IQSEC1: variants seen among roughly 807,000 people sequenced by gnomAD.
IQSEC1 encodes the protein IQ motif and SEC7 domain-containing protein 1.
In IQSEC1, 31 loss-of-function variants were observed where a neutral mutation model predicts 91.0. The observed-to-expected ratio is 0.34, with a 90% CI of 0.26 to 0.46. IQSEC1 has a LOEUF of 0.46. Ranked by LOEUF, IQSEC1 falls within the 20% of genes least tolerant of loss-of-function variation. IQSEC1 has a pLI of 1.00. For synonymous variants in IQSEC1, 699 were observed against 662.6 expected (o/e 1.05, Z -0.84); for missense variants, 1,388 against 1,575.6 (o/e 0.88, Z 2.02).
At chr3:13,047,802 G>A (rs1053163342) in intron 1 of IQSEC1, among the ~76,000 whole-genome samples, 15 of 152,162 alleles carry the variant, frequency 9.9e-5, no homozygotes, top group African/African-American at 3.4e-4. Flanking sequence ...GAGAGGAAGC[G>A]CAGTGGGCAG....
chr3:13,129,989 T>A (rs185343619), intron 2 of IQSEC1, among the ~76,000 whole-genome samples: 147 of 152,176 alleles, frequency 9.7e-4, no homozygotes, highest in African/African-American at 3.4e-3. Context: ...ACTGTTTTTT[T>A]AATTATCATT....
chr3:13,170,566 C>A (rs1693587297), intron 1 of IQSEC1, among the ~76,000 whole-genome samples: 1 of 152,360 alleles, frequency 6.6e-6, no homozygotes, highest in South Asian at 2.1e-4. Context: ...GGGAGGGAGG[C>A]TGTACCCTGC....
intron 1 of IQSEC1, among the ~76,000 whole-genome samples, chr3:13,229,512 C>G (rs969669431): frequency 3.3e-5 from 5 of 152,186 alleles, no homozygotes; most frequent in African/African-American, 1.2e-4. Context: ...CTGTCACAGG[C>G]TGCCCGGGAC....
chr3:13,121,325 C>T (rs936839049), intron 2 of IQSEC1, among the ~76,000 whole-genome samples: 2 of 152,230 alleles, frequency 1.3e-5, no homozygotes, highest in African/African-American at 4.8e-5. Flanking sequence ...ACCTCCTCCT[C>T]CCAGCTACCT....
chr3:12,957,532 G>A (rs180811381), intron 1 of IQSEC1, among the ~76,000 whole-genome samples: 317 of 152,340 alleles, frequency 2.1e-3, no homozygotes, highest in African/African-American at 6.9e-3. Flanking sequence ...GTTCTCTGTG[G>A]CAGGCTCCAG....
intron 1 of IQSEC1, among the ~76,000 whole-genome samples, chr3:13,023,955 C>T (rs60602014): frequency 0.35 from 53,006 of 151,996 alleles, 10,699 homozygotes; most frequent in East Asian, 0.49. Context: ...CCTTTCAAGG[C>T]TCCCCATTCC....
rs556945444 is a variant in IQSEC1, at chr3:12,941,671, G to C, written c.218C>G (p.Ser73Trp). The C allele has an allele frequency of 5.6e-6, 9 of 1,613,024 alleles. No individual in the cohort carries two copies. Among genetic ancestry groups the C allele is most frequent in the Non-Finnish European group, 7.6e-6 (9 of 1,179,950 alleles). The change falls in exon 2 of 14, where the codon TCG becomes TGG. Residue 73 changes from serine to tryptophan, a missense_variant. Ser to Trp is a radical substitution (Grantham distance 177, BLOSUM62 -3). This residue lies in a region of IQSEC1 where 1,059 missense variants were observed against 1,317.8 expected (regional missense o/e 0.80). Coordinates refer to ENST00000613206, the MANE Select transcript of IQSEC1 (RefSeq NM_001134382.3). ...QRTRRPKLQH[S>W]TSILRKQAEE... ...AGCCTGCTTGCGCAGGATGGAGGTC[G>C]AGTGCTGCAGCTTGGGCCTCCGCGT...
At chr3:13,191,600 G>A (rs1417268351) in intron 1 of IQSEC1, among the ~76,000 whole-genome samples, 1 of 149,196 alleles carries the variant, frequency 6.7e-6, no homozygotes, top group Non-Finnish European at 1.5e-5. Flanking sequence ...GCCTCTCAAA[G>A]TGCTGGGATT....
At chr3:13,174,576 G>C (rs1333982990) in intron 1 of IQSEC1, among the ~76,000 whole-genome samples, 6 of 152,226 alleles carry the variant, frequency 3.9e-5, no homozygotes, top group African/African-American at 1.2e-4. Flanking sequence ...CCCCCAGAAG[G>C]CCTGAGGCAC....
chr3:13,052,503 G>C (rs1022156892), intron 1 of IQSEC1, among the ~76,000 whole-genome samples: 2 of 152,246 alleles, frequency 1.3e-5, no homozygotes, highest in African/African-American at 4.8e-5. Flanking sequence ...ACTGCCGCAA[G>C]TGTTCTTGGA....
chr3:13,152,128 G>A (rs902420713), intron 2 of IQSEC1, among the ~76,000 whole-genome samples: 1 of 152,206 alleles, frequency 6.6e-6, no homozygotes, highest in African/African-American at 2.4e-5. Flanking sequence ...TAGTCAGAGT[G>A]GAGAGGATGC....
intron 2 of IQSEC1, among the ~76,000 whole-genome samples, chr3:13,090,134 C>T (rs55981603): frequency 0.19 from 29,284 of 151,374 alleles, 3,228 homozygotes; most frequent in Middle Eastern, 0.33. Flanking sequence ...AGGAGAATGG[C>T]GTGAACCTGG....
Position 12,967,255 on chromosome 3 carries a change from G to C in IQSEC1, c.24-25390C>G. ...TCTGGCGGACGCACCCCGCCCCGCA[G>C]GCAGCTTTCTCTCGCACGCCGGGCG... On this transcript the variant is annotated intron_variant, in intron 1 of 13. Transcript: ENST00000613206. The surrounding 1 kb of genome is among the most constrained non-coding windows in gnomAD (Gnocchi z 5.9). The C allele has an allele frequency of 1.4e-6, 1 of 714,102 alleles. No individual in the cohort carries two copies. The highest frequency in any genetic ancestry group is 2.2e-6 in the Non-Finnish European group (1 of 458,304). The allele number at this position is 714,102 out of a possible 1,614,324, so 44.2% of individuals were successfully genotyped here.
intron 2 of IQSEC1, among the ~76,000 whole-genome samples, chr3:13,151,786 T>C (rs557534570): frequency 1.3e-5 from 2 of 152,180 alleles, no homozygotes; most frequent in Non-Finnish European, 2.9e-5. Context: ...ACCAACATGG[T>C]GAAACCCTGT....
In IQSEC1 at chr3:13,161,870, C is replaced by T. The variant is rs1286062371; in HGVS notation, c.302+2234G>A. Among the ~76,000 whole-genome samples the T allele has an allele frequency of 2.6e-5, 4 of 152,200 alleles. No homozygotes were observed. The East Asian group carries it at 7.7e-4, about 29-fold the overall frequency. On this transcript the variant is annotated intron_variant, in intron 2 of 15. Coordinates refer to the IQSEC1 transcript ENST00000648114. Reference sequence around the variant, plus strand: ...GCTCGGAGCTGGGACATATGCTCGGCTCTGTGTGCCAGTCCCCCTGCAACG... The same window carrying T: ...GCTCGGAGCTGGGACATATGCTCGGTTCTGTGTGCCAGTCCCCCTGCAACG...
At chr3:13,021,214 AC>A (rs1703381389) in intron 1 of IQSEC1, among the ~76,000 whole-genome samples, 1 of 152,184 alleles carries the variant, frequency 6.6e-6, no homozygotes, top group African/African-American at 2.4e-5. Context: ...ATCACAAGGG[AC>A]CTGGCTTCCT....
chr3:13,195,817 G>A (rs955538808), intron 1 of IQSEC1, among the ~76,000 whole-genome samples: 13 of 152,158 alleles, frequency 8.5e-5, no homozygotes, highest in African/African-American at 3.1e-4. Context: ...ACCCACAAAT[G>A]AGTACAAATA....
chr3:12,986,851 G>C (rs1272214903), intron 1 of IQSEC1: 13 of 269,364 alleles, frequency 4.8e-5, no homozygotes, highest in Non-Finnish European at 1.0e-4. Context: ...TGTGGGCTGT[G>C]GCATCTCCCA....
chr3:13,123,745 G>A lies in IQSEC1; in HGVS notation c.302+40359C>T, dbSNP rs566797102. Among the ~76,000 whole-genome samples the A allele has an allele frequency of 2.4e-3, 368 of 152,342 alleles. 1 individual carries two copies. Among genetic ancestry groups the A allele is most frequent in the Admixed American group, 6.5e-3 (99 of 15,310 alleles). On this transcript the variant is annotated intron_variant, in intron 2 of 15. Coordinates refer to the IQSEC1 transcript ENST00000648114. ...CAGGAACACACTGCAAGGTGGGAAAGGAAGGATGGAAGCCTGGCTGTGCTC... is the reference window on the plus strand; with the variant it reads ...CAGGAACACACTGCAAGGTGGGAAAAGAAGGATGGAAGCCTGGCTGTGCTC...
Sources: allele counts gnomAD v4.1 joint callset (sites outside exome capture counted in the v4.1 genomes callset), GRCh38; gene constraint gnomAD v4.1.1; regional missense constraint gnomAD v4.1.1; non-coding constraint Gnocchi (gnomAD v3.1); transcripts MANE v1.5; gene names NCBI Gene and HGNC (gene_info 2026-07-23, HGNC 2026-07-21).